ARID3C: variants seen among roughly 807,000 people sequenced by gnomAD.
ARID3C encodes AT-rich interaction domain 3C.
A neutral mutation model predicts 37.9 loss-of-function variants in ARID3C; 42 were observed. The observed-to-expected ratio is 1.11, with a 90% CI of 0.87 to 1.43. The LOEUF is 1.43. Among genes scored for constraint, ARID3C ranks in the 40% most tolerant of loss-of-function variants. ARID3C has a pLI of 0.00. For synonymous variants in ARID3C, 213 were observed against 228.0 expected (o/e 0.93, Z 0.59); for missense variants, 581 against 548.8 (o/e 1.06, Z -0.59).
At chr9:34,621,456 T>A in exon 7 of ARID3C, 1 of 1,513,968 alleles carries the variant, frequency 6.6e-7, no homozygotes, top group East Asian at 2.6e-5. Context: ...AAGTAGGACC[T>A]CTCAGGGCAA....
chr9:34,622,103 C>G (rs542266902), exon 6 of ARID3C: 2 of 1,614,064 alleles, frequency 1.2e-6, no homozygotes, highest in Non-Finnish European at 1.7e-6. Context: ...CCCATCCAGC[C>G]GCTCTTCTGT....
At chr9:34,632,262 C>T (rs1021993697), upstream of ARID3C, among the ~76,000 whole-genome samples, 4 of 152,104 alleles carry the variant, frequency 2.6e-5, no homozygotes, top group Non-Finnish European at 5.9e-5. Flanking sequence ...TACCTAGGGA[C>T]GAGCACTACG....
At position 34,622,533 on chromosome 9, in the gene ARID3C, G is replaced by A. The variant is rs1395983164; in HGVS notation, c.866-4C>T. ...GGGTTTGGAATTCCACTCTCCTCTAGAAGAACAGGTTATTCAGCTCCCCTG... is the reference window on the plus strand; with the variant it reads ...GGGTTTGGAATTCCACTCTCCTCTAAAAGAACAGGTTATTCAGCTCCCCTG... On this transcript the variant is annotated splice_region_variant and splice_polypyrimidine_tract_variant and intron_variant, in intron 4 of 6. Coordinates refer to ENST00000378909, the Ensembl canonical transcript of ARID3C. 2.5e-6 allele frequency: 4 copies of A among 1,594,580 alleles called. No individual in the cohort carries two copies. The highest frequency in any genetic ancestry group is 3.4e-6 in the Non-Finnish European group (4 of 1,170,570).
At chr9:34,624,618 C>T (rs1359293688) in intron 2 of ARID3C, among the ~76,000 whole-genome samples, 1 of 152,180 alleles carries the variant, frequency 6.6e-6, no homozygotes, top group Non-Finnish European at 1.5e-5. Flanking sequence ...ACTCCCGCCT[C>T]GGCCCGCCGA....
chr9:34,627,674 G>A, intron 1 of ARID3C, 23 bp downstream of exon 2: 3 of 1,565,932 alleles, frequency 1.9e-6, no homozygotes, highest in Non-Finnish European at 2.6e-6. Flanking sequence ...AAGAGGGCCG[G>A]ACATTGAGGG....
upstream of ARID3C, among the ~76,000 whole-genome samples, chr9:34,630,227 C>T (rs527632531): frequency 3.3e-5 from 5 of 152,182 alleles, no homozygotes; most frequent in Non-Finnish European, 7.3e-5. Context: ...CCCCCTCAGC[C>T]CACTGCTTTG....
rs867568123 is a variant in ARID3C at position 34,627,771 on chromosome 9, C to T, written c.244G>A (p.Gly82Ser). The T allele has an allele frequency of 6.8e-6, 11 of 1,614,136 alleles. No individual in the cohort carries two copies. In the African/African-American group the frequency reaches 1.1e-4, roughly 16 times the overall value. Residue 82 changes from glycine (G) to serine (S), a missense_variant, in exon 1 of 7, where the codon GGC becomes AGC. By Grantham distance (56) the Gly-to-Ser change is moderately conservative. Transcript: ENST00000378909. ...GGCTGGCTAGAAGGCGAGCTGGGGC[C>T]CTGGGCCCCTGGACGGCTCTCCTCA...
intron 4 of ARID3C, 88 bp downstream of exon 5, chr9:34,623,337 C>G: frequency 7.1e-7 from 1 of 1,418,084 alleles, no homozygotes; most frequent in Non-Finnish European, 9.3e-7. Context: ...CTCCCCAGAC[C>G]TCAATCCTCA....
intron 2 of ARID3C, among the ~76,000 whole-genome samples, chr9:34,624,272 AAC>A (rs1820625413): frequency 6.6e-6 from 1 of 152,218 alleles, no homozygotes; most frequent in Non-Finnish European, 1.5e-5. Context: ...TCTCTGTCAC[AAC>A]TACTCAACGC....
chr9:34,623,981 A>C (rs1820619442), exon 3 of ARID3C: 1 of 1,603,954 alleles, frequency 6.2e-7, no homozygotes, highest in Non-Finnish European at 8.5e-7. Flanking sequence ...GGCGGTCACC[A>C]GGCGAAACAG....
At position 34,627,984 on chromosome 9, in the gene ARID3C, G is replaced by A. The variant is rs528829620; in HGVS notation, c.31C>T (p.Arg11Trp). 1.1e-5 allele frequency: 16 copies of A among 1,517,992 alleles called. No homozygotes were observed. Among genetic ancestry groups the A allele is most frequent in the Non-Finnish European group, 9.7e-6 (11 of 1,130,666 alleles). 94.0% of individuals were successfully genotyped at this position (1,517,992 alleles called of 1,614,324 possible). A position where few individuals can be genotyped will look rare whatever the true frequency, so the allele number is the denominator to read the frequency against. The stretch of plus-strand genomic sequence containing the variant: ...AATGGCCCCACCCCCTGGGCCAGCC[G>A]AGCTGCCTGCTGCTTCTGCAGGGCC... The change falls in exon 1 of 7, where the codon CGG becomes TGG. Residue 11 changes from arginine to tryptophan, a missense_variant. Coordinates refer to ENST00000378909, the Ensembl canonical transcript of ARID3C.
At position 34,623,456 on chromosome 9, in the gene ARID3C, G is replaced by T; in HGVS notation, c.834C>A (p.Cys278Ter). 4 of 1,533,064 alleles carry T rather than the reference G, an allele frequency of 2.6e-6. No homozygotes were observed. The highest frequency in any genetic ancestry group is 1.3e-5 in the South Asian group (1 of 77,718). The allele number at this position is 1,533,064 out of a possible 1,614,324, so 95.0% of individuals were successfully genotyped here. Residue 278 changes from cysteine to a stop codon, truncating the protein, a stop_gained, in exon 4 of 7, where the codon TGC (cysteine) becomes TGA (stop). Transcript: ENST00000378909. LOFTEE classifies it high-confidence loss of function. ...TAATAGGGCTTGGACTCAGCTGAGC[G>T]CATGCATGCGCTGGCAGGCCGGAGG... is the stretch of plus-strand genomic sequence containing the variant.
upstream of ARID3C, chr9:34,628,113 G>A: frequency 2.8e-6 from 4 of 1,412,206 alleles, no homozygotes; most frequent in Non-Finnish European, 3.7e-6. The surrounding 1 kb of genome is among the most constrained non-coding windows in gnomAD (Gnocchi z 5.2). Context: ...TATGGGTGCT[G>A]GGCCCTACTG....
At chr9:34,627,720 T>C (rs1302142583) in exon 1 of ARID3C, 14 of 1,612,740 alleles carry the variant, frequency 8.7e-6, no homozygotes, top group Non-Finnish European at 1.2e-5. Context: ...TCCTCGTAGG[T>C]CCACTCGTGG....
upstream of ARID3C, chr9:34,628,239 C>G (rs964390830): frequency 4.4e-5 from 23 of 523,448 alleles, no homozygotes; most frequent in Non-Finnish European, 6.4e-5. The surrounding 1 kb of genome is among the most constrained non-coding windows in gnomAD (Gnocchi z 5.2). Flanking sequence ...CAGGACCAGA[C>G]CCGGGGAATC....
At chr9:34,630,451 G>T (rs1421946339), upstream of ARID3C, among the ~76,000 whole-genome samples, 1 of 152,170 alleles carries the variant, frequency 6.6e-6, no homozygotes, top group African/African-American at 2.4e-5. Flanking sequence ...TGAACAGCAG[G>T]TGTCTGTAGG....
At chr9:34,623,476 C>T (rs750287236) in exon 4 of ARID3C, 2 of 1,538,900 alleles carry the variant, frequency 1.3e-6, no homozygotes, top group Non-Finnish European at 8.7e-7. Context: ...GCTGGCAGGC[C>T]GGAGGTGGAA....
chr9:34,630,533 G>A (rs1210079389), upstream of ARID3C, among the ~76,000 whole-genome samples: 1 of 152,124 alleles, frequency 6.6e-6, no homozygotes. Flanking sequence ...CCAGAAGGCA[G>A]GAATCCAAAC....
At chr9:34,631,512 T>G (rs1049118974), upstream of ARID3C, among the ~76,000 whole-genome samples, 2 of 152,150 alleles carry the variant, frequency 1.3e-5, no homozygotes, top group Non-Finnish European at 2.9e-5. Context: ...CACATATTTA[T>G]TATCTATTTT....
Sources: allele counts gnomAD v4.1 joint callset (sites outside exome capture counted in the v4.1 genomes callset), GRCh38; gene constraint gnomAD v4.1.1; non-coding constraint Gnocchi (gnomAD v3.1); transcripts MANE v1.5; gene names NCBI Gene and HGNC (gene_info 2026-07-23, HGNC 2026-07-21).